Variants in ITGA9 observed in about 807,000 individuals in gnomAD.
The protein encoded by ITGA9 is integrin alpha-9.
Under a neutral mutation model 127.8 loss-of-function variants are expected in ITGA9, and 56 were observed. The ratio of observed to expected loss-of-function variants is 0.44; its 90% CI spans 0.35 to 0.55. The LOEUF (loss-of-function observed/expected upper bound fraction) is 0.55. Among genes scored for constraint, ITGA9 ranks in the 20% least tolerant of loss-of-function variants. ITGA9 has a pLI of 0.00. For synonymous variants in ITGA9, 508 were observed against 514.5 expected (o/e 0.99, Z 0.17); for missense variants, 1,196 against 1,347.1 (o/e 0.89, Z 1.76).
intron 15 of ITGA9, among the ~76,000 whole-genome samples, chr3:37,599,080 C>T (rs1336327774): frequency 1.3e-5 from 2 of 152,222 alleles, no homozygotes; most frequent in African/African-American, 2.4e-5. Flanking sequence ...CTGCTAAGAA[C>T]CTCATTCTTA....
intron 3 of ITGA9, among the ~76,000 whole-genome samples, chr3:37,478,140 C>T (rs781518875): frequency 8.5e-5 from 13 of 152,206 alleles, no homozygotes; most frequent in East Asian, 3.9e-4. Context: ...ACTTCCTCCT[C>T]GGTTGGGGAG....
Position 37,583,220 on chromosome 3 carries a change from G to C in ITGA9, c.1689+40635G>C, listed in dbSNP as rs564149629. 1.7e-3 allele frequency among the ~76,000 whole-genome samples: 257 copies of C among 152,288 alleles called. 1 individual carries two copies. Among genetic ancestry groups the C allele is most frequent in the African/African-American group, 6.0e-3 (249 of 41,564 alleles). On this transcript the variant is annotated intron_variant, in intron 15 of 27. Coordinates refer to ENST00000264741, the MANE Select transcript of ITGA9 (RefSeq NM_002207.3). ...TTTCTTTTCTGGAGAGGTGTCCCCA[G>C]ACTGCTGTGCATAGGTCCTTGTCCT...
intron 15 of ITGA9, among the ~76,000 whole-genome samples, chr3:37,560,775 A>G (rs1017088970): frequency 6.6e-6 from 1 of 152,182 alleles, no homozygotes; most frequent in South Asian, 2.1e-4. Context: ...TCAATAACAT[A>G]TATCAGTTTG....
intron 26 of ITGA9, among the ~76,000 whole-genome samples, chr3:37,794,138 A>T (rs981742958): frequency 2.0e-5 from 3 of 152,198 alleles, no homozygotes. Flanking sequence ...GGCATGTGCT[A>T]TGATTACCTC....
At chr3:37,791,485 TC>T (rs1379876622) in intron 26 of ITGA9, among the ~76,000 whole-genome samples, 10 of 152,040 alleles carry the variant, frequency 6.6e-5, no homozygotes, top group Non-Finnish European at 1.5e-5. Flanking sequence ...AGACCAAAAA[TC>T]AGAGGGATCT....
At chr3:37,547,168 A>G (rs957971800) in intron 15 of ITGA9, among the ~76,000 whole-genome samples, 3 of 152,224 alleles carry the variant, frequency 2.0e-5, no homozygotes, top group Admixed American at 6.5e-5. Flanking sequence ...AAGAAGGCCA[A>G]TAACGGTATT....
chr3:37,494,400 G>T, intron 4 of ITGA9, 101 bp from the exon 5 acceptor site: 1 of 818,284 alleles, frequency 1.2e-6, no homozygotes. Context: ...AGCCTGCCGC[G>T]GCACTCGTGG....
chr3:37,711,305 C>G (rs547776321), intron 18 of ITGA9, among the ~76,000 whole-genome samples: 1 of 152,318 alleles, frequency 6.6e-6, no homozygotes, highest in African/African-American at 2.4e-5. Context: ...AGTGTTCCAC[C>G]ATGTAGTGAC....
chr3:37,622,137 CTTTT>C (rs5848098), intron 15 of ITGA9, among the ~76,000 whole-genome samples: 2 of 139,818 alleles, frequency 1.4e-5, no homozygotes, highest in African/African-American at 5.3e-5. Context: ...TGTTTGTTTA[CTTTT>C]TTTTTTTTTT....
chr3:37,590,991 C>G (rs1428367630), intron 15 of ITGA9, among the ~76,000 whole-genome samples: 3 of 152,190 alleles, frequency 2.0e-5, no homozygotes, highest in Admixed American at 6.5e-5. Flanking sequence ...CCTCTGCTGT[C>G]CTGCTCTGCC....
In ITGA9 at chr3:37,596,801, G is replaced by A. The variant is rs61635758; in HGVS notation, c.1690-32386G>A. On this transcript the variant is annotated intron_variant, in intron 15 of 27. Coordinates refer to ENST00000264741, the MANE Select transcript of ITGA9 (RefSeq NM_002207.3). ...CTCAGGAAGCTCCAGGGAACCTTCA[G>A]TGTGCCTGAAAAAAAGTCAACCTGG... Among the ~76,000 whole-genome samples the A allele has an allele frequency of 3.7e-3, 559 of 152,236 alleles. 7 individuals carry two copies. The highest frequency in any genetic ancestry group is 0.013 in the African/African-American group (532 of 41,552).
At chr3:37,734,343 A>G (rs990373377) in intron 19 of ITGA9, among the ~76,000 whole-genome samples, 1 of 152,262 alleles carries the variant, frequency 6.6e-6, no homozygotes, top group Admixed American at 6.5e-5. Context: ...ACATCTGCAC[A>G]CAAATTTAAT....
At chr3:37,683,836 C>T (rs1700756009) in intron 17 of ITGA9, 29 bp from the exon 18 acceptor site, 1 of 1,612,624 alleles carries the variant, frequency 6.2e-7, no homozygotes. Context: ...GGCCTCAGGG[C>T]ATTCATTGCT....
chr3:37,739,416 G>A lies in ITGA9; in HGVS notation c.2235-2314G>A, dbSNP rs556753173. 3.7e-4 allele frequency among the ~76,000 whole-genome samples: 57 copies of A among 152,266 alleles called. 1 individual carries two copies. The highest frequency in any genetic ancestry group is 9.9e-4 in the African/African-American group (41 of 41,556). ...GGTGAAGATATGGTCTGACTGCCCCGGAGGGCACCCACACACAGCGCTTGA... is the reference window on the plus strand; with the variant it reads ...GGTGAAGATATGGTCTGACTGCCCCAGAGGGCACCCACACACAGCGCTTGA... On this transcript the variant is annotated intron_variant, in intron 20 of 27. Coordinates refer to ENST00000264741, the MANE Select transcript of ITGA9 (RefSeq NM_002207.3).
At chr3:37,536,406 TAC>T in intron 14 of ITGA9, among the ~76,000 whole-genome samples, 1 of 152,264 alleles carries the variant, frequency 6.6e-6, no homozygotes, top group East Asian at 1.9e-4. Context: ...GGCAGAGCAA[TAC>T]ACAGATACCT....
At chr3:37,484,235 C>T (rs1325144863) in intron 4 of ITGA9, among the ~76,000 whole-genome samples, 2 of 152,086 alleles carry the variant, frequency 1.3e-5, no homozygotes, top group African/African-American at 2.4e-5. Context: ...TAAGAGCAGC[C>T]CCTTAGAAAA....
In ITGA9 at chr3:37,629,582, C is replaced by A; in HGVS notation, c.1839+246C>A. ...TTCTCAGGCTGTTAGAAGTTACAAT[C>A]CCCTCGAGTTCGTGAACTGGCTGGC... On this transcript the variant is annotated intron_variant, in intron 16 of 27. Coordinates refer to ENST00000264741, the MANE Select transcript of ITGA9 (RefSeq NM_002207.3). This position sits in a 1 kb window ranked among gnomAD's most constrained non-coding sequence, Gnocchi z 4.5. 1.6e-6 allele frequency: 1 copy of A among 618,028 alleles called. No homozygotes were observed. 38.3% of individuals were successfully genotyped at this position (618,028 alleles called of 1,614,324 possible).
At chr3:37,741,700 G>C (rs1314107950) in intron 20 of ITGA9, 30 bp from the exon 21 acceptor site, 3 of 1,571,644 alleles carry the variant, frequency 1.9e-6, no homozygotes, top group Non-Finnish European at 2.6e-6. Context: ...GTGTTGGCCA[G>C]CGTTCATTCA....
chr3:37,462,383 A>G (rs1475829920), intron 1 of ITGA9, among the ~76,000 whole-genome samples: 1 of 152,202 alleles, frequency 6.6e-6, no homozygotes, highest in Non-Finnish European at 1.5e-5. Context: ...ATTTACTGTA[A>G]CCTAGGCTCT....
Sources: allele counts gnomAD v4.1 joint callset (sites outside exome capture counted in the v4.1 genomes callset), GRCh38; gene constraint gnomAD v4.1.1; non-coding constraint Gnocchi (gnomAD v3.1); transcripts MANE v1.5; gene names NCBI Gene and HGNC (gene_info 2026-07-23, HGNC 2026-07-21).